Variants in LTN1 observed in about 807,000 individuals in gnomAD.
The protein encoded by LTN1 is E3 ubiquitin-protein ligase listerin.
In LTN1, 88 loss-of-function variants were observed where a neutral mutation model predicts 201.2. The ratio of observed to expected loss-of-function variants is 0.44; its 90% CI spans 0.37 to 0.52. The LOEUF is 0.52. Among genes scored for constraint, LTN1 ranks in the 20% least tolerant of loss-of-function variants. LTN1 has a pLI of 0.00. For missense variants in LTN1, 1,752 were observed against 2,038.7 expected (o/e 0.86, Z 2.71); for synonymous variants, 645 against 713.5 (o/e 0.90, Z 1.53).
chr21:28,954,485 C>T (rs2084408744), intron 16 of LTN1, among the ~76,000 whole-genome samples: 1 of 152,050 alleles, frequency 6.6e-6, no homozygotes, highest in East Asian at 1.9e-4. Flanking sequence ...AACATTTGAA[C>T]GTCCACTTGC....
At chr21:28,941,180 T>G in intron 25 of LTN1, 40 bp downstream of exon 25, 1 of 1,434,748 alleles carries the variant, frequency 7.0e-7, no homozygotes, top group South Asian at 1.2e-5. Flanking sequence ...CAGAAGCATA[T>G]TAGGACAGAA....
At chr21:28,959,889 G>A (rs942434430) in intron 12 of LTN1, 192 bp from the exon 13 acceptor site, 17 of 494,624 alleles carry the variant, frequency 3.4e-5, no homozygotes, top group Admixed American at 1.2e-4. Context: ...TTTAAATTAA[G>A]TAGAAAACAG....
chr21:28,948,399 A>G (rs1425703159), intron 18 of LTN1, among the ~76,000 whole-genome samples: 1 of 149,008 alleles, frequency 6.7e-6, no homozygotes, highest in Non-Finnish European at 1.5e-5. Flanking sequence ...CCTCCCAAAT[A>G]GCTCGGATTA....
rs1381542777 is a variant in LTN1, at chr21:28,931,326, T to C, written c.5071-4A>G. 1.3e-6 allele frequency: 2 copies of C among 1,568,150 alleles called. No individual in the cohort carries two copies. Among genetic ancestry groups the C allele is most frequent in the Non-Finnish European group, 1.7e-6 (2 of 1,155,630 alleles). ...AGCCTTCCATAATACTTCCATTCTG[T>C]TAACAAGAAGAAAAATAAGTCACTA... is the stretch of plus-strand genomic sequence containing the variant. On this transcript the variant is annotated splice_region_variant and splice_polypyrimidine_tract_variant and intron_variant, in intron 28 of 29. Coordinates refer to ENST00000361371, the MANE Select transcript of LTN1 (RefSeq NM_015565.3).
At chr21:28,980,668 G>C (rs1264935395) in intron 6 of LTN1, among the ~76,000 whole-genome samples, 2 of 151,812 alleles carry the variant, frequency 1.3e-5, no homozygotes, top group Non-Finnish European at 2.9e-5. Flanking sequence ...TTTCCCGTAA[G>C]GGCAATGCCT....
At chr21:28,951,876 G>A (rs1568840459) in intron 18 of LTN1, among the ~76,000 whole-genome samples, 1 of 152,028 alleles carries the variant, frequency 6.6e-6, no homozygotes, top group Non-Finnish European at 1.5e-5. Context: ...AGGGTGTGGT[G>A]GGAGGATCAC....
chr21:28,965,977 T>C lies in LTN1; in HGVS notation c.2122-71A>G, dbSNP rs2084518867. 12 of 948,628 alleles carry C rather than the reference T, an allele frequency of 1.3e-5. No individual in the cohort carries two copies. The South Asian group carries it at 1.7e-4, about 13-fold the overall frequency. The allele number at this position is 948,628 out of a possible 1,614,324, so 58.8% of individuals were successfully genotyped here. A position where few individuals can be genotyped will look rare whatever the true frequency, so the allele number is the denominator to read the frequency against. On this transcript the variant is annotated intron_variant, in intron 10 of 29. Coordinates refer to ENST00000361371, the MANE Select transcript of LTN1 (RefSeq NM_015565.3). Reference sequence around the variant, plus strand: ...TTGTTTGAGATGGGGTTTTGTATGTTGCCCAGGCTAGTCTAGAACTCATGG... The same window carrying C: ...TTGTTTGAGATGGGGTTTTGTATGTCGCCCAGGCTAGTCTAGAACTCATGG...
intron 9 of LTN1, among the ~76,000 whole-genome samples, 176 bp downstream of exon 9, chr21:28,969,290 T>A (rs1332108721): frequency 6.6e-6 from 1 of 152,120 alleles, no homozygotes; most frequent in African/African-American, 2.4e-5. Flanking sequence ...TGCTAGCAAC[T>A]GAGAGTATGG....
In LTN1 at chr21:28,961,959, C is replaced by G. The variant is rs115143604; in HGVS notation, c.2164-1253G>C. Among the ~76,000 whole-genome samples the G allele has an allele frequency of 5.6e-3, 857 of 151,964 alleles. 4 individuals carry two copies. Among genetic ancestry groups the G allele is most frequent in the Non-Finnish European group, 9.0e-3 (615 of 67,972 alleles). On this transcript the variant is annotated intron_variant, in intron 11 of 29. Coordinates refer to ENST00000361371, the MANE Select transcript of LTN1 (RefSeq NM_015565.3). ...CCGGGAGGCAGAAGTTGCAGTGAGA[C>G]GAGATGTTGCAACTGCACTCCAGCC...
At chr21:28,940,931 A>G (rs1008809435) in intron 25 of LTN1, among the ~76,000 whole-genome samples, 1 of 152,176 alleles carries the variant, frequency 6.6e-6, no homozygotes, top group Non-Finnish European at 1.5e-5. Flanking sequence ...CTACAAAAAT[A>G]TAAAAATTAG....
At chr21:28,949,721 CTTTTA>C (rs537345665) in intron 18 of LTN1, among the ~76,000 whole-genome samples, 11 of 152,266 alleles carry the variant, frequency 7.2e-5, no homozygotes, top group Non-Finnish European at 1.6e-4. Flanking sequence ...TTATACCACA[CTTTTA>C]TTTATCCATT....
At position 28,955,922 on chromosome 21, in the gene LTN1, C is replaced by CAAAA. The variant is rs772350234; in HGVS notation, c.3079+836_3079+839dup. Among the ~76,000 whole-genome samples, 70 of 69,482 alleles carry CAAAA rather than the reference C, an allele frequency of 1.0e-3. 1 individual carries two copies. Among genetic ancestry groups the CAAAA allele is most frequent in the Non-Finnish European group, 1.5e-3 (53 of 34,626 alleles). 45.6% of individuals were successfully genotyped at this position (69,482 alleles called of 152,430 possible). A position where few individuals can be genotyped will look rare whatever the true frequency, so the allele number is the denominator to read the frequency against. ...TGGGCAACAGAGCGAGACTCTGTCT[C>CAAAA]AAAAAAAAAAAAAAAAAAAAAAGGA... On this transcript the variant is annotated intron_variant, in intron 16 of 29. Transcript: ENST00000361371.
chr21:28,946,055 T>C, intron 20 of LTN1, 97 bp downstream of exon 20: 1 of 1,433,420 alleles, frequency 7.0e-7, no homozygotes, highest in Non-Finnish European at 9.6e-7. Context: ...CTGACTTAAA[T>C]GTCTACCATA....
intron 24 of LTN1, among the ~76,000 whole-genome samples, chr21:28,942,970 G>C (rs928546232): frequency 2.0e-5 from 3 of 152,134 alleles, no homozygotes; most frequent in Non-Finnish European, 4.4e-5. Flanking sequence ...GCACAAAGTG[G>C]ATGCTCAATA....
In LTN1 at chr21:28,932,621, G is replaced by C. The variant is rs760427818; in HGVS notation, c.4919C>G (p.Thr1640Ser). 5.6e-6 allele frequency: 9 copies of C among 1,613,284 alleles called. No homozygotes were observed. The highest frequency in any genetic ancestry group is 7.6e-6 in the Non-Finnish European group (9 of 1,179,580). ...ATTREVMATY[T>S]IEDIVIELII... ...AAGTTCAATAACTATGTCCTCAATA[G>C]TATAAGTAGCCATTACCTCTCGAGT... is the stretch of plus-strand genomic sequence containing the variant. The change falls in exon 28 of 30, where the codon ACT (threonine) becomes AGT (serine). Residue 1640 changes from threonine (T) to serine (S), a missense_variant. Thr to Ser is a moderately conservative substitution (Grantham distance 58, BLOSUM62 1). This residue lies in a region of LTN1 where 261 missense variants were observed against 350.1 expected (regional missense o/e 0.75). Coordinates refer to ENST00000361371, the MANE Select transcript of LTN1 (RefSeq NM_015565.3).
chr21:28,971,212 G>T, intron 7 of LTN1, 59 bp downstream of exon 7: 2 of 1,338,456 alleles, frequency 1.5e-6, no homozygotes, highest in South Asian at 1.6e-5. Flanking sequence ...AGTAAGTTTT[G>T]GATATTCTTA....
rs578028604 is a variant in LTN1 at position 28,975,566 on chromosome 21, C to T, written c.811-4122G>A. ...CTCTGCTTTGTAGAAGTAAAGTAGC[C>T]ATAGATAATACATAAAACTATTTAC... On this transcript the variant is annotated intron_variant, in intron 6 of 29. Coordinates refer to ENST00000361371, the MANE Select transcript of LTN1 (RefSeq NM_015565.3). Among the ~76,000 whole-genome samples, 7 of 152,196 alleles carry T rather than the reference C, an allele frequency of 4.6e-5. No individual in the cohort carries two copies. In the South Asian group the frequency reaches 1.2e-3, roughly 27 times the overall value.
chr21:28,972,118 C>G (rs1455258821), intron 6 of LTN1, among the ~76,000 whole-genome samples: 2 of 152,060 alleles, frequency 1.3e-5, no homozygotes, highest in Non-Finnish European at 2.9e-5. Context: ...GATCAGAGGG[C>G]CCTTACAAAA....
rs750040271 is a variant in LTN1 at position 28,966,441 on chromosome 21, T to C, written c.2050A>G (p.Ile684Val). The C allele has an allele frequency of 6.8e-6, 11 of 1,614,074 alleles. No individual in the cohort carries two copies. The highest frequency in any genetic ancestry group is 1.7e-5 in the Admixed American group (1 of 60,000). Reference sequence around the variant, plus strand: ...CAGCACCGGAGAGCACTGTACAAAATGTCCACCAGGAAACCAAAATCCTTC... The same window carrying C: ...CAGCACCGGAGAGCACTGTACAAAACGTCCACCAGGAAACCAAAATCCTTC... The part of the protein sequence containing the change: ...QRKDFGFLVD[I>V]LYSALRCCDN... The change falls in exon 10 of 30, where the codon ATT becomes GTT. Residue 684 changes from isoleucine (I) to valine (V), a missense_variant. Ile to Val is a conservative substitution (Grantham distance 29). Coordinates refer to ENST00000361371, the MANE Select transcript of LTN1 (RefSeq NM_015565.3).
Sources: allele counts gnomAD v4.1 joint callset (sites outside exome capture counted in the v4.1 genomes callset), GRCh38; gene constraint gnomAD v4.1.1; regional missense constraint gnomAD v4.1.1; transcripts MANE v1.5; gene names NCBI Gene and HGNC (gene_info 2026-07-23, HGNC 2026-07-21).